C14orf132: variants seen among roughly 807,000 people sequenced by gnomAD.
The protein encoded by C14orf132 is uncharacterized protein C14orf132.
Under a neutral mutation model 5.8 loss-of-function variants are expected in C14orf132, and 6 were observed. The observed-to-expected ratio is 1.03, with a 90% confidence interval of 0.57 to 2.04. The LOEUF (loss-of-function observed/expected upper bound fraction) is 2.04. C14orf132 is among the 30% of genes most tolerant of loss of function. The probability of loss-of-function intolerance (pLI) is 0.00; values close to 1 mark genes in which losing one functional copy is unlikely to be tolerated. For missense variants in C14orf132, 125 were observed against 115.8 expected, an observed-to-expected ratio of 1.08 and a Z score of -0.37; for synonymous variants, 51 against 49.8, an observed-to-expected ratio of 1.02 and a Z score of -0.10.
At chr14:96,044,658 G>A (rs866117457) in intron 1 of C14orf132, among the ~76,000 whole-genome samples, 2 of 152,178 alleles carry the variant, frequency 1.3e-5, no homozygotes, top group South Asian at 4.1e-4. Context: ...AGGTGCTGGG[G>A]GTGGGGGTGG....
At chr14:96,074,363 A>G (rs2146937) in intron 1 of C14orf132, among the ~76,000 whole-genome samples, 116,949 of 152,188 alleles carry the variant, frequency 0.77, 45,282 homozygotes, top group East Asian at 0.97. Context: ...AATGTTTTTA[A>G]TTTTAATAAA....
chr14:96,049,480 A>G (rs1192683081), intron 1 of C14orf132, among the ~76,000 whole-genome samples: 1 of 146,824 alleles, frequency 6.8e-6, no homozygotes, highest in Non-Finnish European at 1.5e-5. Flanking sequence ...ATATGTGTAT[A>G]TATATGCATA....
In C14orf132 at chr14:96,039,426, C is replaced by T; in HGVS notation, c.-75C>T. On this transcript the variant is annotated 5_prime_UTR_variant, in exon 1 of 2. Coordinates refer to ENST00000555004, the MANE Select transcript of C14orf132 (RefSeq NM_001252507.3). The surrounding 1 kb of genome is among the most constrained non-coding windows in gnomAD (Gnocchi z 5.3). The stretch of plus-strand genomic sequence containing the variant: ...GACGCTCGCTGCTCAGCCCGATCCC[C>T]GCCAACTGTGCAGGCGGCTGACCCG... 2.1e-6 allele frequency: 3 copies of T among 1,411,938 alleles called. No homozygotes were observed. Among genetic ancestry groups the T allele is most frequent in the Non-Finnish European group, 1.9e-6 (2 of 1,073,616 alleles). The allele number at this position is 1,411,938 out of a possible 1,614,324, so 87.5% of individuals were successfully genotyped here.
At chr14:96,046,482 TG>T (rs1330971338) in intron 1 of C14orf132, among the ~76,000 whole-genome samples, 12 of 152,240 alleles carry the variant, frequency 7.9e-5, no homozygotes, top group Admixed American at 7.8e-4. Context: ...CTGAACCATG[TG>T]AAATTGCTGA....
chr14:96,079,202 G>A (rs1211073762), intron 1 of C14orf132, among the ~76,000 whole-genome samples: 1 of 152,170 alleles, frequency 6.6e-6, no homozygotes, highest in Non-Finnish European at 1.5e-5. Flanking sequence ...CGAGTGCTGT[G>A]AGTTTCTGTC....
chr14:96,053,357 C>T (rs1428373407), intron 1 of C14orf132, among the ~76,000 whole-genome samples: 2 of 152,232 alleles, frequency 1.3e-5, no homozygotes. Flanking sequence ...CTGACAGCTG[C>T]TCACCTCTTA....
chr14:96,072,323 G>T (rs1454530172), intron 1 of C14orf132, among the ~76,000 whole-genome samples: 1 of 152,200 alleles, frequency 6.6e-6, no homozygotes, highest in Non-Finnish European at 1.5e-5. Context: ...GGCAGATGTG[G>T]TTTGGGGTCC....
Position 96,039,470 on chromosome 14 carries a change from C to T in C14orf132, c.-31C>T. The T allele has an allele frequency of 6.7e-7, 1 of 1,495,198 alleles. No homozygotes were observed. Among genetic ancestry groups the T allele is most frequent in the Non-Finnish European group, 8.9e-7 (1 of 1,124,300 alleles). 92.6% of individuals were successfully genotyped at this position (1,495,198 alleles called of 1,614,324 possible). ...TGACCCGCAGCGGCAGCGGCAGCAG[C>T]GAGGACTCGAGCGCTGGCTGCAGCG... On this transcript the variant is annotated 5_prime_UTR_variant, in exon 1 of 2. Coordinates refer to ENST00000555004, the MANE Select transcript of C14orf132 (RefSeq NM_001252507.3). This position sits in a 1 kb window ranked among gnomAD's most constrained non-coding sequence, Gnocchi z 5.3.
chr14:96,078,067 C>T (rs940070664), intron 1 of C14orf132, among the ~76,000 whole-genome samples: 3 of 152,254 alleles, frequency 2.0e-5, no homozygotes, highest in Non-Finnish European at 4.4e-5. Context: ...GCGTTTCTGC[C>T]CGCTGCATCC....
chr14:96,076,827 G>A (rs142908005), intron 1 of C14orf132, among the ~76,000 whole-genome samples: 20 of 152,288 alleles, frequency 1.3e-4, no homozygotes, highest in South Asian at 4.1e-4. Flanking sequence ...GCATCAATGC[G>A]TGCTGATAAC....
intron 1 of C14orf132, among the ~76,000 whole-genome samples, chr14:96,042,657 A>C (rs954807123): frequency 1.3e-5 from 2 of 152,268 alleles, no homozygotes; most frequent in African/African-American, 4.8e-5. Context: ...AGTAGACACC[A>C]GTTATCTGGC....
At chr14:96,060,249 G>T (rs1321604013) in intron 1 of C14orf132, among the ~76,000 whole-genome samples, 1 of 152,198 alleles carries the variant, frequency 6.6e-6, no homozygotes, top group East Asian at 1.9e-4. Context: ...CTGGTATGAA[G>T]TTGATTCTGC....
intron 1 of C14orf132, among the ~76,000 whole-genome samples, chr14:96,078,556 T>A (rs1377220365): frequency 6.6e-6 from 1 of 152,204 alleles, no homozygotes; most frequent in Admixed American, 6.5e-5. Context: ...GCTTACTCTA[T>A]CTGTGCCGGC....
intron 1 of C14orf132, chr14:96,051,146 C>CA: frequency 2.5e-6 from 1 of 398,652 alleles, no homozygotes; most frequent in Non-Finnish European, 4.4e-6. Flanking sequence ...TGGGGAATAA[C>CA]AAGTGAGGAT....
chr14:96,056,830 C>T (rs1235164358), intron 1 of C14orf132, among the ~76,000 whole-genome samples: 3 of 152,124 alleles, frequency 2.0e-5, no homozygotes, highest in Admixed American at 2.0e-4. Context: ...TTATCTGCAC[C>T]TCACCTGTAG....
intron 1 of C14orf132, among the ~76,000 whole-genome samples, chr14:96,082,596 G>C (rs1253564561): frequency 1.3e-5 from 2 of 152,160 alleles, no homozygotes; most frequent in Non-Finnish European, 2.9e-5. Context: ...CCTCTCAGCC[G>C]CCTGTCTCAG....
At chr14:96,073,535 C>A (rs1887772998) in intron 1 of C14orf132, among the ~76,000 whole-genome samples, 1 of 152,190 alleles carries the variant, frequency 6.6e-6, no homozygotes, top group African/African-American at 2.4e-5. Flanking sequence ...CAAGAAACAA[C>A]AGATGCTGGA....
At position 96,091,464 on chromosome 14, in the gene C14orf132, G is replaced by A. The variant is rs1888403348; in HGVS notation, c.*4729G>A. 5.4e-6 allele frequency: 1 copy of A among 185,744 alleles called. No homozygotes were observed. The highest frequency in any genetic ancestry group is 2.4e-5 in the African/African-American group (1 of 42,066). The allele number at this position is 185,744 out of a possible 1,614,324, so 11.5% of individuals were successfully genotyped here. On this transcript the variant is annotated 3_prime_UTR_variant, in exon 2 of 2. Transcript: ENST00000555004. Reference sequence around the variant, plus strand: ...CAAGTGTCTGGGCTCCTGGCCCAGGGGTCCGTGGTCCAGCACGTTGTGCGT... The same window carrying A: ...CAAGTGTCTGGGCTCCTGGCCCAGGAGTCCGTGGTCCAGCACGTTGTGCGT...
At chr14:96,058,451 C>T (rs893114973) in intron 1 of C14orf132, among the ~76,000 whole-genome samples, 8 of 152,038 alleles carry the variant, frequency 5.3e-5, no homozygotes, top group South Asian at 2.1e-4. Context: ...TCAGGCCTCC[C>T]GGGGAAGGTT....
Sources: gnomAD v4.1 joint callset for allele counts (sites outside exome capture counted in the v4.1 genomes callset) on GRCh38, gnomAD v4.1.1 for gene constraint, Gnocchi (gnomAD v3.1) non-coding constraint, MANE v1.5 for transcripts, NCBI Gene and HGNC (gene_info 2026-07-23, HGNC 2026-07-21) for gene names.